CAPZB: variants seen among roughly 807,000 people sequenced by gnomAD.
The protein encoded by CAPZB is F-actin-capping protein subunit beta.
CAPZB carries 2 observed loss-of-function variants against 38.1 expected under a neutral mutation model. The observed-to-expected ratio is 0.05, with a 90% confidence interval of 0.02 to 0.17. The LOEUF is 0.17. Ranked by LOEUF, CAPZB falls within the 10% of genes least tolerant of loss-of-function variation. The pLI, the probability that CAPZB is intolerant of heterozygous loss-of-function variation, is 1.00. For missense variants in CAPZB, 161 were observed against 334.2 expected, an observed-to-expected ratio of 0.48 and a Z score of 4.04; for synonymous variants, 107 against 127.4, an observed-to-expected ratio of 0.84 and a Z score of 1.08.
intron 4 of CAPZB, among the ~76,000 whole-genome samples, chr1:19,369,764 G>A (rs2094110288): frequency 6.6e-6 from 1 of 152,220 alleles, no homozygotes; most frequent in African/African-American, 2.4e-5. Context: ...AGTGAAGGGG[G>A]ATGTCCCCAA....
chr1:19,352,682 C>T (rs947851777), intron 6 of CAPZB, among the ~76,000 whole-genome samples: 7 of 152,384 alleles, frequency 4.6e-5, no homozygotes, highest in African/African-American at 1.2e-4. Context: ...GGCCGGCCTG[C>T]GGCTCACCTT....
At chr1:19,445,077 C>T (rs564643711) in intron 1 of CAPZB, among the ~76,000 whole-genome samples, 1 of 152,184 alleles carries the variant, frequency 6.6e-6, no homozygotes, top group Non-Finnish European at 1.5e-5. Context: ...AGATCTTTGA[C>T]ACAAAGATAT....
At chr1:19,344,216 A>G (rs2093948409) in intron 8 of CAPZB, 142 bp downstream of exon 8, 1 of 673,102 alleles carries the variant, frequency 1.5e-6, no homozygotes, top group Non-Finnish European at 2.7e-6. Flanking sequence ...TCCAAAATCA[A>G]CATAATGATC....
intron 4 of CAPZB, among the ~76,000 whole-genome samples, chr1:19,359,641 C>G (rs1460660970): frequency 6.6e-6 from 1 of 152,232 alleles, no homozygotes; most frequent in Non-Finnish European, 1.5e-5. Flanking sequence ...AAGTGTCACT[C>G]AGGGAACACC....
intron 1 of CAPZB, among the ~76,000 whole-genome samples, chr1:19,447,939 C>G (rs2094502101): frequency 1.3e-5 from 2 of 152,232 alleles, no homozygotes; most frequent in Admixed American, 6.5e-5. Context: ...ATCACACCCT[C>G]ACTCCCCTGC....
chr1:19,410,924 T>C (rs1402953610), intron 2 of CAPZB, among the ~76,000 whole-genome samples: 1 of 152,098 alleles, frequency 6.6e-6, no homozygotes, highest in Non-Finnish European at 1.5e-5. Flanking sequence ...CCCTCCTCCA[T>C]TCCTCAGTTT....
chr1:19,448,883 G>A, intron 1 of CAPZB: 1 of 1,612,940 alleles, frequency 6.2e-7, no homozygotes, highest in African/African-American at 1.3e-5. Context: ...GCCTGGGCGA[G>A]AGAACCCTGT....
At chr1:19,442,592 T>G (rs1160830629) in intron 1 of CAPZB, among the ~76,000 whole-genome samples, 1 of 148,888 alleles carries the variant, frequency 6.7e-6, no homozygotes, top group African/African-American at 2.4e-5. Flanking sequence ...TACTGGACAT[T>G]AGGCAGTTTT....
At chr1:19,351,813 G>C (rs2093993133) in intron 6 of CAPZB, among the ~76,000 whole-genome samples, 1 of 152,106 alleles carries the variant, frequency 6.6e-6, no homozygotes. Flanking sequence ...ACCTGAGCAG[G>C]GTCCATCCCT....
At position 19,356,579 on chromosome 1, in the gene CAPZB, G is replaced by T; in HGVS notation, c.588+56C>A. 1 of 1,141,524 alleles carries T rather than the reference G, an allele frequency of 8.8e-7. No individual in the cohort carries two copies. Among genetic ancestry groups the T allele is most frequent in the Non-Finnish European group, 1.3e-6 (1 of 748,286 alleles). 70.7% of individuals were successfully genotyped at this position (1,141,524 alleles called of 1,614,324 possible). On this transcript the variant is annotated intron_variant, in intron 6 of 8. Transcript: ENST00000264202. This position sits in a 1 kb window ranked among gnomAD's most constrained non-coding sequence, Gnocchi z 4.3. The stretch of plus-strand genomic sequence containing the variant: ...CCTGCTCACTCATCTCTGCAGGTCA[G>T]CACTGAGGCCAGCACCTGTGGGCAC...
rs563731434 is a variant in CAPZB at position 19,350,705 on chromosome 1, C to T, written c.589-5453G>A. ...CCACGGCTCACTGCAACCTCGGCCT[C>T]CCAGGTTCAGGCCATCCTCCCACCT... On this transcript the variant is annotated intron_variant, in intron 6 of 8. Coordinates refer to ENST00000264202, the MANE Select transcript of CAPZB (RefSeq NM_004930.5). Among the ~76,000 whole-genome samples, 290 of 152,188 alleles carry T rather than the reference C, an allele frequency of 1.9e-3. 5 individuals are homozygous for T. The highest frequency in any genetic ancestry group is 6.6e-3 in the African/African-American group (276 of 41,506).
rs184308652 is a variant in CAPZB, at chr1:19,447,207, A to G, written c.4-27457T>C. The stretch of plus-strand genomic sequence containing the variant: ...GTTGTTGCTTTGTTTTAAAGTGGGA[A>G]AGAAAAATATTGACGAACTTAAAAC... On this transcript the variant is annotated intron_variant, in intron 1 of 8. Transcript: ENST00000264202. Among the ~76,000 whole-genome samples the G allele has an allele frequency of 4.5e-3, 678 of 151,942 alleles. 3 individuals carry two copies. The highest frequency in any genetic ancestry group is 0.012 in the Admixed American group (183 of 15,256).
At chr1:19,470,332 C>T (rs750217397) in intron 1 of CAPZB, among the ~76,000 whole-genome samples, 1 of 152,208 alleles carries the variant, frequency 6.6e-6, no homozygotes, top group African/African-American at 2.4e-5. Flanking sequence ...TCCCTATGTA[C>T]CCCATAAACA....
intron 2 of CAPZB, among the ~76,000 whole-genome samples, chr1:19,405,470 C>T (rs886819179): frequency 4.7e-5 from 7 of 149,564 alleles, no homozygotes; most frequent in Non-Finnish European, 7.4e-5. Flanking sequence ...AAGTATTAAG[C>T]CTCTTTAAAA....
At chr1:19,463,175 T>C (rs1321014208) in intron 1 of CAPZB, among the ~76,000 whole-genome samples, 1 of 152,202 alleles carries the variant, frequency 6.6e-6, no homozygotes, top group African/African-American at 2.4e-5. Flanking sequence ...CTCAGAAAGT[T>C]CAAATAGAGT....
At chr1:19,434,387 T>C (rs916471370) in intron 1 of CAPZB, among the ~76,000 whole-genome samples, 8 of 151,950 alleles carry the variant, frequency 5.3e-5, no homozygotes, top group African/African-American at 4.8e-5. Flanking sequence ...GAAAGTAGCA[T>C]AGTTCCTAAA....
chr1:19,451,213 T>C (rs567907015), intron 1 of CAPZB, among the ~76,000 whole-genome samples: 2 of 152,200 alleles, frequency 1.3e-5, no homozygotes, highest in South Asian at 2.1e-4. Flanking sequence ...ACCTCAGCAG[T>C]TGAGTTGCTT....
chr1:19,369,895 C>A (rs950887949), intron 4 of CAPZB, among the ~76,000 whole-genome samples: 1 of 152,174 alleles, frequency 6.6e-6, no homozygotes, highest in African/African-American at 2.4e-5. Context: ...GTGGAAAAAG[C>A]CCCCGGGGCA....
intron 1 of CAPZB, among the ~76,000 whole-genome samples, chr1:19,437,304 GAGA>G (rs897037539): frequency 1.3e-4 from 20 of 152,266 alleles, no homozygotes; most frequent in African/African-American, 4.8e-4. Context: ...GGAGAAATTT[GAGA>G]AGGTGCTGAC....
Sources: allele counts gnomAD v4.1 joint callset (sites outside exome capture counted in the v4.1 genomes callset), GRCh38; gene constraint gnomAD v4.1.1; non-coding constraint Gnocchi (gnomAD v3.1); transcripts MANE v1.5; gene names NCBI Gene and HGNC (gene_info 2026-07-23, HGNC 2026-07-21).